The following RNF121 variants were observed in gnomAD, a reference collection of about 807,000 sequenced individuals.
RNF121 encodes the protein E3 ubiquitin ligase RNF121.
A neutral mutation model predicts 46.5 loss-of-function variants in RNF121; 21 were observed. That is an observed-to-expected ratio of 0.45 (90% CI 0.32 to 0.65). The LOEUF (loss-of-function observed/expected upper bound fraction) is 0.65, where lower values mean the gene tolerates loss of function less well. Ranked by LOEUF, RNF121 falls within the 30% of genes least tolerant of loss-of-function variation. RNF121 has a pLI of 0.04. For missense variants in RNF121, 346 were observed against 416.0 expected (o/e 0.83, Z 1.46); for synonymous variants, 139 against 144.7 (o/e 0.96, Z 0.28).
intron 1 of RNF121, among the ~76,000 whole-genome samples, chr11:71,943,436 T>C (rs1024734290): frequency 3.9e-5 from 6 of 152,246 alleles, no homozygotes; most frequent in African/African-American, 1.4e-4. Flanking sequence ...GCAGCTGTTA[T>C]CTGTGACAAG....
chr11:71,982,882 C>T lies in RNF121; in HGVS notation c.365C>T (p.Ala122Val). Residue 122 changes from alanine to valine, a missense_variant, in exon 4 of 9, where the codon GCC becomes GTC. By Grantham distance (64) the Ala-to-Val change is moderately conservative. Transcript: ENST00000361756. ...GTCACAGCCTTTGTTACCTTCCGAG[C>T]CACCCGAAAACCTCTAGTACAGACA... ...SAVTAFVTFR[A>V]TRKPLVQTTP... The T allele has an allele frequency of 1.2e-6, 2 of 1,613,180 alleles. No homozygotes were observed. The highest frequency in any genetic ancestry group is 1.7e-5 in the Admixed American group (1 of 59,888).
At chr11:71,964,937 T>C (rs907996252) in intron 3 of RNF121, among the ~76,000 whole-genome samples, 10 of 152,324 alleles carry the variant, frequency 6.6e-5, no homozygotes, top group African/African-American at 2.4e-4. Flanking sequence ...GGTAAAGGCC[T>C]GTCTTGTTCT....
intron 6 of RNF121, among the ~76,000 whole-genome samples, chr11:71,992,595 A>G (rs1054609275): frequency 6.6e-6 from 1 of 152,186 alleles, no homozygotes; most frequent in East Asian, 1.9e-4. Context: ...TGAAGTGAGG[A>G]CATACTGTAT....
intron 2 of RNF121, among the ~76,000 whole-genome samples, chr11:71,957,882 G>C (rs1954029283): frequency 6.6e-6 from 1 of 152,150 alleles, no homozygotes; most frequent in South Asian, 2.1e-4. Flanking sequence ...CAAGGTGACT[G>C]ACCAATGAGG....
chr11:71,988,629 C>A, intron 5 of RNF121, among the ~76,000 whole-genome samples: 1 of 130,376 alleles, frequency 7.7e-6, no homozygotes, highest in African/African-American at 2.8e-5. Context: ...CATAGTGAGA[C>A]TCTCAACTCT....
chr11:71,968,807 G>C lies in RNF121; in HGVS notation c.243+7916G>C, dbSNP rs1037869955. ...ACTGTTTTTAAATTAAACTCCCTAT[G>C]ATCTGGGAGTTTAATTCCTAGATAT... is the stretch of plus-strand genomic sequence containing the variant. On this transcript the variant is annotated intron_variant, in intron 3 of 8. Transcript: ENST00000361756. Among the ~76,000 whole-genome samples, 3 of 151,600 alleles carry C rather than the reference G, an allele frequency of 2.0e-5. No homozygotes were observed. The East Asian group carries it at 5.8e-4, about 29-fold the overall frequency.
At chr11:71,991,504 T>TA (rs1403420857) in intron 6 of RNF121, among the ~76,000 whole-genome samples, 7 of 152,160 alleles carry the variant, frequency 4.6e-5, no homozygotes, top group Non-Finnish European at 8.8e-5. Context: ...AATTACAACT[T>TA]TAATAAGCAT....
rs1015688445 is a variant in RNF121 at position 71,976,505 on chromosome 11, G to A, written c.244-6256G>A. On this transcript the variant is annotated intron_variant, in intron 3 of 8. Coordinates refer to ENST00000361756, the MANE Select transcript of RNF121 (RefSeq NM_018320.5). ...CGAGTAGCTGGGACTGCAGGTGTGCGCCACTATGCCCAGCTAATTTTTGTA... is the reference window on the plus strand; with the variant it reads ...CGAGTAGCTGGGACTGCAGGTGTGCACCACTATGCCCAGCTAATTTTTGTA... Among the ~76,000 whole-genome samples, 6 of 151,772 alleles carry A rather than the reference G, an allele frequency of 4.0e-5. No individual in the cohort carries two copies. The South Asian group carries it at 6.3e-4, about 16-fold the overall frequency.
intron 1 of RNF121, among the ~76,000 whole-genome samples, chr11:71,948,513 CAAAAAAAAAAAA>C (rs55762433): frequency 1.7e-4 from 6 of 35,380 alleles, no homozygotes; most frequent in Admixed American, 5.5e-4. Flanking sequence ...AAACTGTCTC[CAAAAAAAAAAAA>C]AAAAAAAAAA....
At chr11:71,949,399 C>G (rs1396953037) in intron 1 of RNF121, among the ~76,000 whole-genome samples, 1 of 152,076 alleles carries the variant, frequency 6.6e-6, no homozygotes, top group Admixed American at 6.6e-5. Flanking sequence ...GCTTGGGCGA[C>G]AGAGTGAGAC....
At chr11:71,929,289 T>C (rs1298131056) in intron 1 of RNF121, among the ~76,000 whole-genome samples, 165 bp downstream of exon 1, 1 of 151,574 alleles carries the variant, frequency 6.6e-6, no homozygotes, top group South Asian at 2.1e-4. Flanking sequence ...CACTCCTGAC[T>C]TGGGGACTCC....
At position 71,978,014 on chromosome 11, in the gene RNF121, T is replaced by A. The variant is rs148607097; in HGVS notation, c.244-4747T>A. The A allele has an allele frequency of 2.6e-3, 752 of 289,778 alleles. 2 individuals are homozygous for A. The highest frequency in any genetic ancestry group is 5.2e-3 in the Middle Eastern group (4 of 768). 18.0% of individuals were successfully genotyped at this position (289,778 alleles called of 1,614,324 possible). A position where few individuals can be genotyped will look rare whatever the true frequency, so the allele number is the denominator to read the frequency against. On this transcript the variant is annotated intron_variant, in intron 3 of 8. Transcript: ENST00000361756. ...CCTTCCTTAATGAAGTTTAAACATA[T>A]TTACCAAGCAAAATGCCAATAAATT...
rs1238507884 is a variant in RNF121, at chr11:71,997,197, CGTATGCGT to C, written c.*885_*892del. 1.4e-5 allele frequency: 1 copy of C among 73,332 alleles called. No homozygotes were observed. Among genetic ancestry groups the C allele is most frequent in the Non-Finnish European group, 3.4e-5 (1 of 29,010 alleles). The allele number at this position is 73,332 out of a possible 1,614,324, so 4.5% of individuals were successfully genotyped here. A position where few individuals can be genotyped will look rare whatever the true frequency, so the allele number is the denominator to read the frequency against. ...CTTCCTTCTTGAAAGCCTAAGAGTGCGTATGCGTGTGTGTGTGTGTGTGTGTGTGTACG... is the reference window on the plus strand; with the variant it reads ...CTTCCTTCTTGAAAGCCTAAGAGTGCGTGTGTGTGTGTGTGTGTGTGTACG... On this transcript the variant is annotated 3_prime_UTR_variant, in exon 9 of 9. Transcript: ENST00000361756.
At chr11:71,979,463 C>G (rs777035800) in intron 3 of RNF121, among the ~76,000 whole-genome samples, 2 of 152,114 alleles carry the variant, frequency 1.3e-5, no homozygotes, top group Non-Finnish European at 2.9e-5. Flanking sequence ...TTCTTTCTCT[C>G]GATGTGACTT....
chr11:71,963,481 G>T (rs953396512), intron 3 of RNF121, among the ~76,000 whole-genome samples: 10 of 152,228 alleles, frequency 6.6e-5, no homozygotes, highest in African/African-American at 2.4e-4. Flanking sequence ...ATAGCTGGGC[G>T]TGGTGGCACG....
intron 1 of RNF121, among the ~76,000 whole-genome samples, chr11:71,946,536 G>A (rs988172938): frequency 3.7e-4 from 56 of 152,020 alleles, no homozygotes; most frequent in African/African-American, 1.3e-3. Flanking sequence ...GCTGCTGAAT[G>A]AATTCATTTG....
At chr11:71,958,695 G>A (rs1161245263) in intron 2 of RNF121, among the ~76,000 whole-genome samples, 2 of 152,104 alleles carry the variant, frequency 1.3e-5, no homozygotes, top group African/African-American at 4.8e-5. Flanking sequence ...GACAGAGCGA[G>A]ACTCTCTCCA....
chr11:71,960,326 G>C (rs1007814240), intron 2 of RNF121, among the ~76,000 whole-genome samples: 1 of 152,190 alleles, frequency 6.6e-6, no homozygotes, highest in Admixed American at 6.5e-5. Flanking sequence ...CTTTACTGCT[G>C]TCATAAATAT....
rs1954944984 is a variant in RNF121, at chr11:71,994,955, C to T, written c.761+103C>T. 2.0e-6 allele frequency: 3 copies of T among 1,499,046 alleles called. No homozygotes were observed. In the South Asian group the frequency reaches 3.6e-5, roughly 18 times the overall value. 92.9% of individuals were successfully genotyped at this position (1,499,046 alleles called of 1,614,324 possible). A position where few individuals can be genotyped will look rare whatever the true frequency, so the allele number is the denominator to read the frequency against. ...ATGACCCTAGGCATGCTGTCCAGAC[C>T]CTTGAGTGTAGGAGAGCCACAAGAG... On this transcript the variant is annotated intron_variant, in intron 7 of 8. Coordinates refer to ENST00000361756, the MANE Select transcript of RNF121 (RefSeq NM_018320.5).
Sources: allele counts gnomAD v4.1 joint callset (sites outside exome capture counted in the v4.1 genomes callset), GRCh38; gene constraint gnomAD v4.1.1; transcripts MANE v1.5; gene names NCBI Gene and HGNC (gene_info 2026-07-23, HGNC 2026-07-21).